The following DNAAF5 variants were observed in gnomAD, a reference collection of about 807,000 sequenced individuals.
The protein encoded by DNAAF5 is HEAT repeat containing 2.
Under a neutral mutation model 75.8 loss-of-function variants are expected in DNAAF5, and 64 were observed. That is an observed-to-expected ratio of 0.84 (90% CI 0.69 to 1.04). DNAAF5 has a LOEUF of 1.04. Among genes scored for constraint, DNAAF5 ranks in the 50% least tolerant of loss-of-function variants. The probability of loss-of-function intolerance (pLI) is 0.00; values close to 1 mark genes in which losing one functional copy is unlikely to be tolerated. For missense variants in DNAAF5, 1,269 were observed against 1,178.5 expected (o/e 1.08, Z -1.12); for synonymous variants, 657 against 557.2 (o/e 1.18, Z -2.52).
chr7:778,153 T>G (rs1778824543), intron 11 of DNAAF5: 1 of 152,240 alleles, frequency 6.6e-6, no homozygotes, highest in Non-Finnish European at 1.5e-5. Context: ...AAACATCCTG[T>G]TCCCACTGAC....
intron 12 of DNAAF5, among the ~76,000 whole-genome samples, chr7:783,214 C>T (rs1039022029): frequency 3.3e-5 from 5 of 152,268 alleles, no homozygotes; most frequent in East Asian, 3.8e-4. Context: ...GTCCGCCATT[C>T]TTCCTGGGAA....
In DNAAF5 at chr7:747,234, C is replaced by T. The variant is rs572096233; in HGVS notation, c.1024+5769C>T. Among the ~76,000 whole-genome samples the T allele has an allele frequency of 9.2e-5, 14 of 152,384 alleles. No homozygotes were observed. The East Asian group carries it at 1.3e-3, about 15-fold the overall frequency. On this transcript the variant is annotated intron_variant, in intron 4 of 12. Transcript: ENST00000297440. ...CCCTTCGCGCCATGTCGCATCCCCA[C>T]GGGCACTGGATGAGATTTCCAGGTG...
chr7:769,110 T>C (rs752769932), intron 8 of DNAAF5: 1 of 753,358 alleles, frequency 1.3e-6, no homozygotes, highest in Non-Finnish European at 2.4e-6. Flanking sequence ...CAAGGGCAGG[T>C]GCGGGGGTCT....
At chr7:769,329 G>A in intron 8 of DNAAF5, 1 of 640,498 alleles carries the variant, frequency 1.6e-6, no homozygotes, top group Non-Finnish European at 2.8e-6. Context: ...GGGCCTGCAG[G>A]CTGAGCCTGG....
intron 9 of DNAAF5, 56 bp from the exon 10 acceptor site, chr7:773,992 G>A: frequency 3.1e-6 from 5 of 1,606,546 alleles, no homozygotes; most frequent in South Asian, 1.1e-5. Flanking sequence ...AGTCTGAAAC[G>A]TTTCTTCCGA....
At chr7:755,203 G>T (rs751054675) in intron 5 of DNAAF5, among the ~76,000 whole-genome samples, 1 of 152,160 alleles carries the variant, frequency 6.6e-6, no homozygotes, top group African/African-American at 2.4e-5. Flanking sequence ...TCCAGGCCTC[G>T]CAGGGGCTGT....
intron 7 of DNAAF5, among the ~76,000 whole-genome samples, chr7:762,262 G>A (rs1273549330): frequency 6.6e-6 from 1 of 152,154 alleles, no homozygotes; most frequent in Non-Finnish European, 1.5e-5. Context: ...GAGGTGGGCG[G>A]ATCACCTGAG....
chr7:765,785 C>CA (rs1238494595), intron 8 of DNAAF5, among the ~76,000 whole-genome samples: 4 of 152,192 alleles, frequency 2.6e-5, no homozygotes, highest in African/African-American at 9.7e-5. Context: ...ACTGTAGCCT[C>CA]AAACTTCCGG....
rs768907625 is a variant in DNAAF5, at chr7:754,741, C to T, written c.1177C>T (p.His393Tyr). The change falls in exon 5 of 13, where the codon CAC (histidine) becomes TAC (tyrosine). Residue 393 changes from histidine to tyrosine, a missense_variant. By Grantham distance (83) the His-to-Tyr change is moderately conservative. Transcript: ENST00000297440. This position sits in a 1 kb window ranked among gnomAD's most constrained non-coding sequence, Gnocchi z 4.8. ...LPVLLLHAED[H>Y]ATQHLEVVLR... ...AGTGCTGCTGCTGCATGCCGAGGACCACGCCACGCAGCACCTGGAGGTCGT... is the reference window on the plus strand; with the variant it reads ...AGTGCTGCTGCTGCATGCCGAGGACTACGCCACGCAGCACCTGGAGGTCGT... 1.9e-5 allele frequency: 31 copies of T among 1,613,548 alleles called. No individual in the cohort carries two copies. Among genetic ancestry groups the T allele is most frequent in the South Asian group, 8.8e-5 (8 of 91,084 alleles).
chr7:754,878 GC>G lies in DNAAF5; in HGVS notation c.1257+59del, dbSNP rs1782435549. The G allele has an allele frequency of 1.5e-6, 2 of 1,343,066 alleles. No homozygotes were observed. The highest frequency in any genetic ancestry group is 1.0e-6 in the Non-Finnish European group (1 of 972,392). The allele number at this position is 1,343,066 out of a possible 1,614,324, so 83.2% of individuals were successfully genotyped here. A position where few individuals can be genotyped will look rare whatever the true frequency, so the allele number is the denominator to read the frequency against. ...AGCTGTAACTCGAGCTTAAGATCCCGCCTCTGTGGTGTGCGGGGCCCGAGGC... is the reference window on the plus strand; with the variant it reads ...AGCTGTAACTCGAGCTTAAGATCCCGCTCTGTGGTGTGCGGGGCCCGAGGC... On this transcript the variant is annotated intron_variant, in intron 5 of 12. Coordinates refer to ENST00000297440, the MANE Select transcript of DNAAF5 (RefSeq NM_017802.4). The surrounding 1 kb of genome is among the most constrained non-coding windows in gnomAD (Gnocchi z 4.8).
chr7:756,736 G>A, intron 5 of DNAAF5, 46 bp from the exon 6 acceptor site: 1 of 1,585,898 alleles, frequency 6.3e-7, no homozygotes, highest in Non-Finnish European at 8.6e-7. Flanking sequence ...GCCCGGCTGA[G>A]ACCCTCGGGT....
chr7:776,169 C>G lies in DNAAF5; in HGVS notation c.2239+1007C>G, dbSNP rs187470957. On this transcript the variant is annotated intron_variant, in intron 11 of 12. Transcript: ENST00000297440. ...CCTGGCCAAAATGGTGACCCTGTCT[C>G]TACTAAAAATAAAAAAATTAGCTGG... Among the ~76,000 whole-genome samples the G allele has an allele frequency of 2.4e-3, 363 of 152,158 alleles. 4 individuals carry two copies. The highest frequency in any genetic ancestry group is 8.2e-3 in the African/African-American group (339 of 41,496).
intron 4 of DNAAF5, among the ~76,000 whole-genome samples, chr7:745,148 C>T (rs74525014): frequency 0.039 from 5,903 of 152,282 alleles, 196 homozygotes; most frequent in East Asian, 0.15. Context: ...TGAGGAAATG[C>T]TGCTCCTTAG....
In DNAAF5 at chr7:740,923, C is replaced by T. The variant is rs202161836; in HGVS notation, c.885C>T (p.Asn295=). The change falls in exon 3 of 13, where the codon AAC becomes AAT. Residue 295 remains asparagine, a synonymous_variant. Coordinates refer to ENST00000297440, the MANE Select transcript of DNAAF5 (RefSeq NM_017802.4). ...KLIPLLLSSL[N]DEVPEVRQLA... ...TCCCTCTGCTGCTCAGTAGCCTCAACGACGAGGTGCCTGAGGTCAGGTACG... is the reference window on the plus strand; with the variant it reads ...TCCCTCTGCTGCTCAGTAGCCTCAATGACGAGGTGCCTGAGGTCAGGTACG... The T allele has an allele frequency of 2.6e-5, 42 of 1,613,642 alleles. No homozygotes were observed. The highest frequency in any genetic ancestry group is 8.0e-5 in the African/African-American group (6 of 75,052).
chr7:770,399 G>C (rs575511154), intron 8 of DNAAF5, 72 bp from the exon 9 acceptor site: 2 of 1,474,688 alleles, frequency 1.4e-6, no homozygotes, highest in Admixed American at 2.0e-5. Context: ...GCCTGAGCCT[G>C]GGCCTGTGCT....
In DNAAF5 at chr7:774,038, C is replaced by A; in HGVS notation, c.1932-10C>A. 1 of 1,614,130 alleles carries A rather than the reference C, an allele frequency of 6.2e-7. No homozygotes were observed. Among genetic ancestry groups the A allele is most frequent in the Non-Finnish European group, 8.5e-7 (1 of 1,180,010 alleles). On this transcript the variant is annotated splice_polypyrimidine_tract_variant and intron_variant, in intron 9 of 12. Coordinates refer to ENST00000297440, the MANE Select transcript of DNAAF5 (RefSeq NM_017802.4). ...GGTCTCCTCATCCACCCTCTCCGTT[C>A]CGGTTCCAGGCAGTTTCCCAGCTAC...
intron 2 of DNAAF5, among the ~76,000 whole-genome samples, chr7:731,842 C>T (rs1050815605): frequency 1.3e-5 from 2 of 152,096 alleles, no homozygotes; most frequent in African/African-American, 2.4e-5. Context: ...TGTGGAGTCA[C>T]GGTGCTGCCC....
At chr7:747,266 T>G in intron 4 of DNAAF5, among the ~76,000 whole-genome samples, 1 of 152,378 alleles carries the variant, frequency 6.6e-6, no homozygotes, top group Admixed American at 6.5e-5. Context: ...GGTGCTGCAG[T>G]CAGGCCAGCG....
chr7:782,041 T>A (rs909149772), intron 12 of DNAAF5, among the ~76,000 whole-genome samples: 1 of 152,274 alleles, frequency 6.6e-6, no homozygotes, highest in Non-Finnish European at 1.5e-5. Flanking sequence ...TGGAAAATAC[T>A]TAGACCTTCC....
Sources: allele counts gnomAD v4.1 joint callset (sites outside exome capture counted in the v4.1 genomes callset), GRCh38; gene constraint gnomAD v4.1.1; non-coding constraint Gnocchi (gnomAD v3.1); transcripts MANE v1.5; gene names NCBI Gene and HGNC (gene_info 2026-07-23, HGNC 2026-07-21).